Variants in ARL6IP1 observed in about 807,000 individuals in gnomAD.
The protein encoded by ARL6IP1 is ARL6 interacting reticulophagy regulator 1.
Under a neutral mutation model 30.1 loss-of-function variants are expected in ARL6IP1, and 16 were observed. That is an observed-to-expected ratio of 0.53 (90% CI 0.36 to 0.81). The LOEUF (loss-of-function observed/expected upper bound fraction) is 0.81, where lower values mean the gene tolerates loss of function less well. Ranked by LOEUF, ARL6IP1 falls within the 30% of genes least tolerant of loss-of-function variation. ARL6IP1 has a pLI of 0.01. For synonymous variants in ARL6IP1, 72 were observed against 84.8 expected (o/e 0.85, Z 0.83); for missense variants, 173 against 242.7 (o/e 0.71, Z 1.91).
At chr16:18,797,467 A>G (rs548227514) in intron 3 of ARL6IP1, among the ~76,000 whole-genome samples, 33 of 152,192 alleles carry the variant, frequency 2.2e-4, no homozygotes, top group African/African-American at 7.7e-4. Context: ...AACACTTGGT[A>G]TTCACTTTGT....
At position 18,793,297 on chromosome 16, in the gene ARL6IP1, C is replaced by T. The variant is rs558124694; in HGVS notation, c.567G>A (p.Arg189=). The T allele has an allele frequency of 4.3e-6, 7 of 1,612,676 alleles. No homozygotes were observed. The East Asian group carries it at 8.9e-5, about 21-fold the overall frequency. The change falls in exon 6 of 6, where the codon AGG becomes AGA. Residue 189 remains arginine (R), a synonymous_variant. Transcript: ENST00000304414. ...IILKYIGMAK[R]EINKLLKQKE... ...TTTGTTTGAGAAGTTTGTTTATCTC[C>T]CTCTTGGCCATTCCAATGTACTTCA...
At chr16:18,795,640 C>T in intron 3 of ARL6IP1, 59 bp from the exon 4 acceptor site, 4 of 1,076,686 alleles carry the variant, frequency 3.7e-6, no homozygotes, top group East Asian at 4.7e-5. Flanking sequence ...AAAAACATGA[C>T]ACCCTGTTCA....
In ARL6IP1 at chr16:18,801,453, T is replaced by C; in HGVS notation, c.14A>G (p.Asp5Gly). ...CACCAGCAGGTTGGTGCTGCGATTA[T>C]CTCCCTCCGCCATCGTCTCGGGGAT... is the stretch of plus-strand genomic sequence containing the variant. MAEG[D>G]NRSTNLLAAE... Residue 5 changes from aspartate (D) to glycine (G), a missense_variant, in exon 1 of 6, where the codon GAT becomes GGT. Transcript: ENST00000304414. 2 of 1,612,654 alleles carry C rather than the reference T, an allele frequency of 1.2e-6. No individual in the cohort carries two copies. The highest frequency in any genetic ancestry group is 1.7e-6 in the Non-Finnish European group (2 of 1,179,662).
intron 5 of ARL6IP1, among the ~76,000 whole-genome samples, chr16:18,793,610 T>C (rs1454977647): frequency 1.3e-5 from 2 of 151,900 alleles, no homozygotes; most frequent in Non-Finnish European, 2.9e-5. Flanking sequence ...TTTGTATTTT[T>C]AGTAGAGATG....
chr16:18,794,717 T>C, intron 4 of ARL6IP1, 34 bp from the exon 5 acceptor site: 1 of 1,423,194 alleles, frequency 7.0e-7, no homozygotes, highest in Non-Finnish European at 9.9e-7. Context: ...ATATCAAAAC[T>C]TCATGTGACA....
intron 4 of ARL6IP1, 132 bp downstream of exon 4, chr16:18,795,332 C>T: frequency 1.7e-6 from 1 of 579,414 alleles, no homozygotes; most frequent in Non-Finnish European, 3.0e-6. Flanking sequence ...CTAATTAATA[C>T]AGGTAAACAT....
At position 18,791,697 on chromosome 16, in the gene ARL6IP1, C is replaced by G. The variant is rs1427776908; in HGVS notation, c.*1555G>C. On this transcript the variant is annotated 3_prime_UTR_variant, in exon 6 of 6. Transcript: ENST00000304414. Reference sequence around the variant, plus strand: ...ATTCCAGCTTTTTTTATTTTTTCCCCTTTTACACAAAACAAAGTAGAAGAA... The same window carrying G: ...ATTCCAGCTTTTTTTATTTTTTCCCGTTTTACACAAAACAAAGTAGAAGAA... 11 of 152,092 alleles carry G rather than the reference C, an allele frequency of 7.2e-5. No individual in the cohort carries two copies. The highest frequency in any genetic ancestry group is 6.6e-4 in the Admixed American group (10 of 15,262). 9.4% of individuals were successfully genotyped at this position (152,092 alleles called of 1,614,324 possible).
In ARL6IP1 at chr16:18,801,160, C is replaced by G. The variant is rs999346872; in HGVS notation, c.36+271G>C. 3.3e-5 allele frequency: 46 copies of G among 1,379,570 alleles called. No individual in the cohort carries two copies. The African/African-American group carries it at 6.2e-4, about 19-fold the overall frequency. 85.5% of individuals were successfully genotyped at this position (1,379,570 alleles called of 1,614,324 possible). On this transcript the variant is annotated intron_variant, in intron 1 of 5. Coordinates refer to ENST00000304414, the MANE Select transcript of ARL6IP1 (RefSeq NM_015161.3). ...CCCCACCCGCACCCCAGGCTAGTGT[C>G]GCAGCCCCTCTGCCTCCCACTTCCT...
At chr16:18,797,521 A>C (rs2030278874) in intron 3 of ARL6IP1, among the ~76,000 whole-genome samples, 1 of 152,162 alleles carries the variant, frequency 6.6e-6, no homozygotes, top group Non-Finnish European at 1.5e-5. Flanking sequence ...TCTCAGCCTT[A>C]ACACAAGATC....
chr16:18,797,941 A>G lies in ARL6IP1; in HGVS notation c.274T>C (p.Phe92Leu). ...GCTACCTACCATTTATTGGAGCCAA[A>G]AATTCTAGGCGCTAGAATGGGAACA... ...YLVPILAPRI[F>L]GSNKWTTEQQ... Residue 92 changes from phenylalanine to leucine, a missense_variant, in exon 3 of 6, where the codon TTT (phenylalanine) becomes CTT (leucine). Phe to Leu is a conservative substitution (Grantham distance 22). Coordinates refer to ENST00000304414, the MANE Select transcript of ARL6IP1 (RefSeq NM_015161.3). The G allele has an allele frequency of 1.9e-6, 3 of 1,611,130 alleles. No individual in the cohort carries two copies. Among genetic ancestry groups the G allele is most frequent in the Non-Finnish European group, 2.5e-6 (3 of 1,179,296 alleles).
intron 1 of ARL6IP1, among the ~76,000 whole-genome samples, chr16:18,800,350 TAG>T (rs1297051369): frequency 6.6e-6 from 1 of 152,212 alleles, no homozygotes; most frequent in Non-Finnish European, 1.5e-5. Flanking sequence ...TTGCTTTCCT[TAG>T]AGTTATATTG....
At chr16:18,801,147 C>A in intron 1 of ARL6IP1, 2 of 1,360,064 alleles carry the variant, frequency 1.5e-6, no homozygotes, top group Non-Finnish European at 1.9e-6. Flanking sequence ...CCACCCGCAC[C>A]CCAGGCTAGT....
chr16:18,797,815 G>A (rs1432829062), intron 3 of ARL6IP1, 110 bp downstream of exon 3: 10 of 1,301,812 alleles, frequency 7.7e-6, no homozygotes, highest in Non-Finnish European at 1.1e-5. Flanking sequence ...CTAATGCTTA[G>A]GTGTCTGATG....
rs780409067 is a variant in ARL6IP1 at position 18,791,822 on chromosome 16, G to C, written c.*1430C>G. ...ACAGGCTTATTTACAATGAAAGTAAGGTAAAATTAACGTAGTTTTCTTATG... is the reference window on the plus strand; with the variant it reads ...ACAGGCTTATTTACAATGAAAGTAACGTAAAATTAACGTAGTTTTCTTATG... On this transcript the variant is annotated 3_prime_UTR_variant, in exon 6 of 6. Coordinates refer to ENST00000304414, the MANE Select transcript of ARL6IP1 (RefSeq NM_015161.3). 6.6e-6 allele frequency: 1 copy of C among 152,254 alleles called. No individual in the cohort carries two copies. The highest frequency in any genetic ancestry group is 1.5e-5 in the Non-Finnish European group (1 of 67,958). 9.4% of individuals were successfully genotyped at this position (152,254 alleles called of 1,614,324 possible).
chr16:18,797,278 G>A (rs996485932), intron 3 of ARL6IP1, among the ~76,000 whole-genome samples: 6 of 151,714 alleles, frequency 4.0e-5, no homozygotes, highest in Admixed American at 1.3e-4. Context: ...CCAGCTACTC[G>A]GGAGGCTGAG....
At chr16:18,798,983 C>T in intron 1 of ARL6IP1, 149 bp from the exon 2 acceptor site, 1 of 852,148 alleles carries the variant, frequency 1.2e-6, no homozygotes, top group Non-Finnish European at 1.7e-6. Context: ...TGAAAAACTG[C>T]AATTTCAAAG....
chr16:18,800,895 C>G (rs909467564), intron 1 of ARL6IP1, among the ~76,000 whole-genome samples: 2 of 152,136 alleles, frequency 1.3e-5, no homozygotes, highest in African/African-American at 4.8e-5. Flanking sequence ...ATCCCATTGT[C>G]TGTTCAGCTG....
intron 2 of ARL6IP1, 34 bp from the exon 3 acceptor site, chr16:18,798,078 TAGTC>T (rs2030295344): frequency 1.3e-6 from 2 of 1,543,688 alleles, no homozygotes; most frequent in Non-Finnish European, 1.8e-6. Context: ...TAGAAAAACA[TAGTC>T]ATTATTATTC....
At chr16:18,799,630 C>G (rs981404384) in intron 1 of ARL6IP1, among the ~76,000 whole-genome samples, 5 of 152,190 alleles carry the variant, frequency 3.3e-5, no homozygotes, top group Admixed American at 6.5e-5. Flanking sequence ...GAATAGCATT[C>G]AATTTCTAAA....
Sources: gnomAD v4.1 joint callset for allele counts (sites outside exome capture counted in the v4.1 genomes callset) on GRCh38, gnomAD v4.1.1 for gene constraint, MANE v1.5 for transcripts, NCBI Gene and HGNC (gene_info 2026-07-23, HGNC 2026-07-21) for gene names.